Variants in CACNA1C observed in about 807,000 individuals in gnomAD.
The protein encoded by CACNA1C is voltage-dependent L-type calcium channel subunit alpha-1C.
A neutral mutation model predicts 229.0 loss-of-function variants in CACNA1C; 30 were observed. The observed-to-expected ratio is 0.13, with a 90% CI of 0.10 to 0.18. The LOEUF (loss-of-function observed/expected upper bound fraction) is 0.18, where lower values mean the gene tolerates loss of function less well. CACNA1C is among the 10% of genes least tolerant of loss of function. CACNA1C has a pLI of 1.00. For synonymous variants in CACNA1C, 1,114 were observed against 1,132.5 expected, an observed-to-expected ratio of 0.98 and a Z score of 0.33; for missense variants, 1,658 against 2,845.0, an observed-to-expected ratio of 0.58 and a Z score of 9.49.
intron 3 of CACNA1C, among the ~76,000 whole-genome samples, chr12:2,423,621 G>GGTA (rs1235014978): frequency 1.3e-5 from 2 of 152,112 alleles, no homozygotes; most frequent in East Asian, 3.9e-4. Context: ...TAACAGCAGT[G>GGTA]GTAGTAGTAT....
chr12:2,257,349 C>T (rs1423951491), intron 3 of CACNA1C, among the ~76,000 whole-genome samples: 3 of 152,178 alleles, frequency 2.0e-5, no homozygotes, highest in African/African-American at 7.2e-5. Context: ...CGGTCTCCAA[C>T]CTTTTTGGCA....
intron 1 of CACNA1C, among the ~76,000 whole-genome samples, chr12:2,041,402 G>A (rs565273760): frequency 2.6e-4 from 39 of 147,384 alleles, no homozygotes; most frequent in Non-Finnish European, 4.8e-4. Context: ...TCAGCCTCCC[G>A]AGTAGCTGGG....
chr12:2,546,054 C>T (rs1003413929), intron 9 of CACNA1C, among the ~76,000 whole-genome samples: 1 of 152,224 alleles, frequency 6.6e-6, no homozygotes, highest in African/African-American at 2.4e-5. Flanking sequence ...CTCTTCCGTG[C>T]AGTAGCTGGT....
chr12:2,566,705 A>G lies in CACNA1C; in HGVS notation c.1669+123A>G, dbSNP rs2051112551. 2.6e-5 allele frequency: 21 copies of G among 811,122 alleles called. No homozygotes were observed. Among genetic ancestry groups the G allele is most frequent in the Non-Finnish European group, 3.8e-5 (20 of 521,758 alleles). 50.2% of individuals were successfully genotyped at this position (811,122 alleles called of 1,614,324 possible). A position where few individuals can be genotyped will look rare whatever the true frequency, so the allele number is the denominator to read the frequency against. ...GCAGCCAATGGTCGGGGCTCTTGGCAGGTGCTGTGCTGGAGACACCAAGGG... is the reference window on the plus strand; with the variant it reads ...GCAGCCAATGGTCGGGGCTCTTGGCGGGTGCTGTGCTGGAGACACCAAGGG... On this transcript the variant is annotated intron_variant, in intron 12 of 46. Coordinates refer to ENST00000399655, the MANE Select transcript of CACNA1C (RefSeq NM_000719.7). The surrounding 1 kb of genome is among the most constrained non-coding windows in gnomAD (Gnocchi z 4.0).
At chr12:2,589,751 G>A (rs1307323021) in intron 18 of CACNA1C, among the ~76,000 whole-genome samples, 4 of 145,114 alleles carry the variant, frequency 2.8e-5, no homozygotes, top group African/African-American at 9.8e-5. Flanking sequence ...TGGGGGCAGG[G>A]AGGATACTTG....
chr12:2,643,702 C>T (rs1283132816), intron 30 of CACNA1C, among the ~76,000 whole-genome samples: 2 of 152,146 alleles, frequency 1.3e-5, no homozygotes, highest in Admixed American at 6.5e-5. Context: ...ATAAAAGGAT[C>T]GTGAGGATCC....
At chr12:2,658,063 A>G (rs1256924900) in intron 34 of CACNA1C, among the ~76,000 whole-genome samples, 1 of 152,144 alleles carries the variant, frequency 6.6e-6, no homozygotes, top group Non-Finnish European at 1.5e-5. Flanking sequence ...AATAGACCAA[A>G]ATAGAAAAAA....
At chr12:2,177,837 A>C (rs1447411898) in intron 3 of CACNA1C, among the ~76,000 whole-genome samples, 1 of 151,766 alleles carries the variant, frequency 6.6e-6, no homozygotes, top group Non-Finnish European at 1.5e-5. Flanking sequence ...GGATTTTGCC[A>C]TGTTGGCCAG....
At chr12:2,598,015 T>A (rs1178153821) in intron 21 of CACNA1C, among the ~76,000 whole-genome samples, 2 of 152,222 alleles carry the variant, frequency 1.3e-5, no homozygotes, top group African/African-American at 4.8e-5. Flanking sequence ...AAGCTGGAGT[T>A]GGGGCTGTGT....
At chr12:2,326,432 G>A (rs1457510056) in intron 3 of CACNA1C, among the ~76,000 whole-genome samples, 1 of 152,152 alleles carries the variant, frequency 6.6e-6, no homozygotes, top group Non-Finnish European at 1.5e-5. Context: ...GTAGATATTT[G>A]GAGACCACAC....
At chr12:2,359,602 G>C (rs1425191720) in intron 3 of CACNA1C, among the ~76,000 whole-genome samples, 1 of 150,762 alleles carries the variant, frequency 6.6e-6, no homozygotes, top group Non-Finnish European at 1.5e-5. Flanking sequence ...TAGGAACAAA[G>C]ACAACTTGGG....
At chr12:2,128,173 C>T (rs2090892189) in intron 3 of CACNA1C, among the ~76,000 whole-genome samples, 1 of 152,110 alleles carries the variant, frequency 6.6e-6, no homozygotes, top group South Asian at 2.1e-4. Context: ...CTTGGTGAGG[C>T]AGTGGCAGGG....
intron 11 of CACNA1C, among the ~76,000 whole-genome samples, chr12:2,558,220 G>A (rs2045561415): frequency 6.6e-6 from 1 of 152,202 alleles, no homozygotes; most frequent in Non-Finnish European, 1.5e-5. Context: ...GGAATGATGA[G>A]GGCTGGTCCT....
rs1011659255 is a variant in CACNA1C at position 2,512,604 on chromosome 12, C to T, written c.1218-208C>T. On this transcript the variant is annotated intron_variant, in intron 8 of 46. Transcript: ENST00000399655. This position sits in a 1 kb window ranked among gnomAD's most constrained non-coding sequence, Gnocchi z 4.3. ...TGTCAGGAATGTCCCCTTACTGACG[C>T]TTCCCATCGAGGTGATAGTAGACCT... Among the ~76,000 whole-genome samples the T allele has an allele frequency of 2.6e-5, 4 of 152,284 alleles. No homozygotes were observed. The highest frequency in any genetic ancestry group is 4.4e-5 in the Non-Finnish European group (3 of 68,018).
At chr12:1,995,530 A>G (rs2040588448) in intron 1 of CACNA1C, among the ~76,000 whole-genome samples, 1 of 152,224 alleles carries the variant, frequency 6.6e-6, no homozygotes, top group Non-Finnish European at 1.5e-5. Flanking sequence ...ACTGTGAAGA[A>G]CCTGACCTCC....
At chr12:2,616,980 T>A (rs2080971813) in intron 29 of CACNA1C, among the ~76,000 whole-genome samples, 2 of 152,260 alleles carry the variant, frequency 1.3e-5, no homozygotes, top group Non-Finnish European at 1.5e-5. Context: ...GGCTGGCATT[T>A]TCAGAGGATC....
chr12:2,264,421 A>G (rs2081509597), intron 3 of CACNA1C, among the ~76,000 whole-genome samples: 1 of 152,228 alleles, frequency 6.6e-6, no homozygotes, highest in Non-Finnish European at 1.5e-5. Context: ...TGCAGAAAGC[A>G]TCCCGTTCAA....
At chr12:2,042,253 A>C (rs2050241557) in intron 1 of CACNA1C, among the ~76,000 whole-genome samples, 1 of 152,110 alleles carries the variant, frequency 6.6e-6, no homozygotes, top group Admixed American at 6.5e-5. Flanking sequence ...TTATGCTGGA[A>C]AGTCTTTTAC....
At chr12:2,070,039 A>G (rs2060645368) in intron 1 of CACNA1C, among the ~76,000 whole-genome samples, 1 of 152,092 alleles carries the variant, frequency 6.6e-6, no homozygotes, top group African/African-American at 2.4e-5. Context: ...TCCTGGCCTC[A>G]AGTGATCTTC....
Sources: allele counts gnomAD v4.1 joint callset (sites outside exome capture counted in the v4.1 genomes callset), GRCh38; gene constraint gnomAD v4.1.1; non-coding constraint Gnocchi (gnomAD v3.1); transcripts MANE v1.5; gene names NCBI Gene and HGNC (gene_info 2026-07-23, HGNC 2026-07-21).